Variants in GAB2 observed in about 807,000 individuals in gnomAD.
The protein encoded by GAB2 is GRB2 associated binding protein 2, also known as GRB2-associated-binding protein 2.
GAB2 carries 26 observed loss-of-function variants against 65.5 expected under a neutral mutation model. The ratio of observed to expected loss-of-function variants is 0.40; its 90% confidence interval spans 0.29 to 0.55. The LOEUF is 0.55. Among genes scored for constraint, GAB2 ranks in the 20% least tolerant of loss-of-function variants. GAB2 has a pLI of 0.53. For missense variants in GAB2, 884 were observed against 875.8 expected, an observed-to-expected ratio of 1.01 and a Z score of -0.12; for synonymous variants, 321 against 329.6, an observed-to-expected ratio of 0.97 and a Z score of 0.28.
chr11:78,315,492 C>G (rs1162205365), intron 1 of GAB2, among the ~76,000 whole-genome samples: 1 of 151,982 alleles, frequency 6.6e-6, no homozygotes, highest in Non-Finnish European at 1.5e-5. Context: ...ACAGCTGGAC[C>G]CTTATACCAT....
intron 1 of GAB2, among the ~76,000 whole-genome samples, chr11:78,354,319 T>C (rs1856324531): frequency 6.6e-6 from 1 of 152,198 alleles, no homozygotes; most frequent in African/African-American, 2.4e-5. Flanking sequence ...TATTTTAAAG[T>C]ATTAATTCAT....
At chr11:78,313,881 C>T (rs938203623) in intron 1 of GAB2, among the ~76,000 whole-genome samples, 4 of 152,168 alleles carry the variant, frequency 2.6e-5, no homozygotes, top group Non-Finnish European at 4.4e-5. Context: ...TCTACTATGC[C>T]TCAGTGATCC....
intron 1 of GAB2, among the ~76,000 whole-genome samples, chr11:78,326,270 T>C (rs1490333062): frequency 6.6e-6 from 1 of 152,210 alleles, no homozygotes; most frequent in Non-Finnish European, 1.5e-5. Context: ...TACATAAGTG[T>C]CTCATTTAAA....
At chr11:78,381,688 T>C (rs984987995) in intron 1 of GAB2, among the ~76,000 whole-genome samples, 1 of 150,532 alleles carries the variant, frequency 6.6e-6, no homozygotes, top group African/African-American at 2.4e-5. Context: ...AAAAAAAAGG[T>C]TCCATGTTTG....
intron 1 of GAB2, among the ~76,000 whole-genome samples, chr11:78,414,013 A>G (rs953706519): frequency 2.0e-5 from 3 of 150,398 alleles, no homozygotes; most frequent in African/African-American, 7.3e-5. Context: ...GCTTGAACCC[A>G]GGAGGCAAAG....
intron 2 of GAB2, among the ~76,000 whole-genome samples, chr11:78,258,578 A>G (rs1865655107): frequency 1.3e-5 from 2 of 150,176 alleles, no homozygotes; most frequent in Middle Eastern, 3.2e-3. Flanking sequence ...GTTGAATTAT[A>G]ATTTTTTTTA....
chr11:78,258,791 C>A (rs1865661438), intron 2 of GAB2, among the ~76,000 whole-genome samples: 1 of 152,008 alleles, frequency 6.6e-6, no homozygotes, highest in South Asian at 2.1e-4. Context: ...ATAGCACATA[C>A]AATATATGAA....
At chr11:78,355,545 C>T (rs776793762) in intron 1 of GAB2, among the ~76,000 whole-genome samples, 2 of 152,004 alleles carry the variant, frequency 1.3e-5, no homozygotes, top group Non-Finnish European at 2.9e-5. Flanking sequence ...GGCATGATGG[C>T]GCATGCCTGT....
chr11:78,416,420 G>A (rs1245975043), intron 1 of GAB2, among the ~76,000 whole-genome samples: 1 of 152,194 alleles, frequency 6.6e-6, no homozygotes, highest in Non-Finnish European at 1.5e-5. Context: ...ATTCTGATCT[G>A]GGGAGCCAAG....
chr11:78,277,113 A>G (rs1399844053), intron 2 of GAB2, among the ~76,000 whole-genome samples: 1 of 152,168 alleles, frequency 6.6e-6, no homozygotes, highest in Non-Finnish European at 1.5e-5. Flanking sequence ...CATCATGCCC[A>G]GCCTAAATAT....
chr11:78,259,050 G>C (rs1204650980), intron 2 of GAB2, among the ~76,000 whole-genome samples: 1 of 152,004 alleles, frequency 6.6e-6, no homozygotes, highest in South Asian at 2.1e-4. Context: ...GTAGGCCCCT[G>C]TGCCTGTTGT....
chr11:78,279,826 C>T (rs1034097894), intron 2 of GAB2, among the ~76,000 whole-genome samples: 1 of 152,094 alleles, frequency 6.6e-6, no homozygotes, highest in Non-Finnish European at 1.5e-5. Context: ...GTTGTTTCCA[C>T]TTTTTGGCTA....
chr11:78,327,606 GA>G (rs1855846693), intron 1 of GAB2, among the ~76,000 whole-genome samples: 4 of 152,254 alleles, frequency 2.6e-5, no homozygotes, highest in African/African-American at 9.6e-5. Flanking sequence ...AGGGAGCCAG[GA>G]AAACATGAGA....
intron 1 of GAB2, chr11:78,364,037 T>C (rs1207944604): frequency 3.9e-5 from 6 of 151,948 alleles, no homozygotes; most frequent in Non-Finnish European, 7.4e-5. Flanking sequence ...ATCAGGTAGG[T>C]GTTAAGAAGA....
At chr11:78,280,562 T>G (rs949731353) in intron 2 of GAB2, 39 bp downstream of exon 2, 1 of 1,539,602 alleles carries the variant, frequency 6.5e-7, no homozygotes, top group African/African-American at 1.4e-5. Flanking sequence ...GGGCCTCACC[T>G]CAACCCCCTA....
intron 2 of GAB2, among the ~76,000 whole-genome samples, chr11:78,268,125 C>T (rs886909624): frequency 6.6e-6 from 1 of 152,012 alleles, no homozygotes; most frequent in Non-Finnish European, 1.5e-5. Context: ...ATCACTTGAC[C>T]CTCTCCTCTG....
rs1017222094 is a variant in GAB2 at position 78,233,158 on chromosome 11, GTCT to G, written c.621-6110_621-6108del. 1.2e-3 allele frequency among the ~76,000 whole-genome samples: 177 copies of G among 150,754 alleles called. 1 individual carries two copies. Among genetic ancestry groups the G allele is most frequent in the Non-Finnish European group, 2.9e-5 (2 of 67,950 alleles). ...GGGCTCAAGCCATCCTCCCACCTCA[GTCT>G]TCTGAGTAGCTGGGGCTACAGGCAT... On this transcript the variant is annotated intron_variant, in intron 3 of 9. Coordinates refer to ENST00000361507, the MANE Select transcript of GAB2 (RefSeq NM_080491.3).
At chr11:78,256,644 A>G (rs1865604148) in intron 2 of GAB2, among the ~76,000 whole-genome samples, 1 of 152,214 alleles carries the variant, frequency 6.6e-6, no homozygotes, top group South Asian at 2.1e-4. Context: ...TTTAATTCAT[A>G]ACTATCAAGT....
At position 78,294,454 on chromosome 11, in the gene GAB2, T is replaced by C. The variant is rs188977490; in HGVS notation, c.76-13553A>G. The stretch of plus-strand genomic sequence containing the variant: ...CCAGTAATGGGATTGCTGGGTCAAA[T>C]GGCATTTCTAGTTCAAGATCCCTGA... On this transcript the variant is annotated intron_variant, in intron 1 of 9. Coordinates refer to ENST00000361507, the MANE Select transcript of GAB2 (RefSeq NM_080491.3). 1.8e-3 allele frequency among the ~76,000 whole-genome samples: 277 copies of C among 152,324 alleles called. 2 individuals are homozygous for C. Among genetic ancestry groups the C allele is most frequent in the South Asian group, 3.5e-3 (17 of 4,828 alleles).
Sources: allele counts gnomAD v4.1 joint callset (sites outside exome capture counted in the v4.1 genomes callset), GRCh38; gene constraint gnomAD v4.1.1; transcripts MANE v1.5; gene names NCBI Gene and HGNC (gene_info 2026-07-23, HGNC 2026-07-21).